The following B3GALT1 variants were observed in gnomAD, a reference collection of about 807,000 sequenced individuals.
B3GALT1 encodes the protein UDP-Gal:betaGlcNAc beta 1,3-galactosyltransferase, polypeptide 1.
B3GALT1 carries 10 observed loss-of-function variants against 23.2 expected under a neutral mutation model. That is an observed-to-expected ratio of 0.43 (90% confidence interval 0.27 to 0.73). The LOEUF (loss-of-function observed/expected upper bound fraction) is 0.73. B3GALT1 is among the 30% of genes least tolerant of loss of function. The pLI is 0.21. For missense variants in B3GALT1, 299 were observed against 405.4 expected (o/e 0.74, Z 2.25); for synonymous variants, 156 against 141.5 (o/e 1.10, Z -0.73).
Position 167,870,024 on chromosome 2 carries a change from T to G in B3GALT1, c.*4T>G, listed in dbSNP as rs746113953. Reference sequence around the variant, plus strand: ...CAAGAAACATCTCAGATGTTAGGATTTTTACCAATGTAAATATGTTTCTTT... The same window carrying G: ...CAAGAAACATCTCAGATGTTAGGATGTTTACCAATGTAAATATGTTTCTTT... On this transcript the variant is annotated 3_prime_UTR_variant, in exon 5 of 5. Transcript: ENST00000392690. The G allele has an allele frequency of 6.3e-7, 1 of 1,583,700 alleles. No homozygotes were observed. The highest frequency in any genetic ancestry group is 1.8e-5 in the Admixed American group (1 of 56,550).
intron 2 of B3GALT1, among the ~76,000 whole-genome samples, chr2:167,583,586 A>G (rs1214295674): frequency 6.6e-6 from 1 of 152,190 alleles, no homozygotes; most frequent in Non-Finnish European, 1.5e-5. Flanking sequence ...ACTAATATGC[A>G]TTTCTCCAGA....
intron 2 of B3GALT1, among the ~76,000 whole-genome samples, chr2:167,575,111 A>C (rs1398978830): frequency 6.6e-6 from 1 of 151,816 alleles, no homozygotes; most frequent in African/African-American, 2.4e-5. Context: ...GTAAAATGGG[A>C]ATGATAGGAA....
At chr2:167,376,247 T>C (rs1295380423) in intron 1 of B3GALT1, among the ~76,000 whole-genome samples, 2 of 152,136 alleles carry the variant, frequency 1.3e-5, no homozygotes, top group Non-Finnish European at 2.9e-5. Flanking sequence ...TTCAGATTGT[T>C]AGTATTTTGT....
intron 3 of B3GALT1, among the ~76,000 whole-genome samples, chr2:167,738,000 C>T (rs981949513): frequency 6.6e-6 from 1 of 152,118 alleles, no homozygotes; most frequent in Admixed American, 6.6e-5. Context: ...GATGACAAAC[C>T]CCAAGACTAT....
At chr2:167,452,990 G>A (rs1218073195) in intron 1 of B3GALT1, among the ~76,000 whole-genome samples, 1 of 152,184 alleles carries the variant, frequency 6.6e-6, no homozygotes, top group Non-Finnish European at 1.5e-5. Flanking sequence ...CTAATATGGA[G>A]CCACTTTGAA....
At position 167,636,795 on chromosome 2, in the gene B3GALT1, T is replaced by C. The variant is rs556002479; in HGVS notation, c.-409-10114T>C. Among the ~76,000 whole-genome samples, 22 of 151,992 alleles carry C rather than the reference T, an allele frequency of 1.4e-4. No homozygotes were observed. In the South Asian group the frequency reaches 4.4e-3, roughly 30 times the overall value. ...GTGGGAGTTGAACAATGAGAACACA[T>C]GGACACTGGGAGAGGAACATCACAC... On this transcript the variant is annotated intron_variant, in intron 2 of 4. Coordinates refer to ENST00000392690, the MANE Select transcript of B3GALT1 (RefSeq NM_020981.4).
At chr2:167,748,310 G>GT (rs1360705723) in intron 3 of B3GALT1, among the ~76,000 whole-genome samples, 10 of 152,036 alleles carry the variant, frequency 6.6e-5, no homozygotes, top group African/African-American at 2.4e-4. Context: ...CAAGCCATCA[G>GT]TTATCCACCG....
intron 2 of B3GALT1, among the ~76,000 whole-genome samples, chr2:167,555,472 A>T (rs1037671563): frequency 1.3e-5 from 2 of 152,190 alleles, no homozygotes; most frequent in Non-Finnish European, 2.9e-5. Flanking sequence ...TCTTACCAGC[A>T]TATAGCTCAA....
intron 2 of B3GALT1, among the ~76,000 whole-genome samples, chr2:167,508,067 C>T (rs1173837142): frequency 1.3e-5 from 2 of 151,990 alleles, no homozygotes; most frequent in Non-Finnish European, 1.5e-5. Context: ...TTTATAAGGA[C>T]ACTAGTCCCA....
intron 1 of B3GALT1, among the ~76,000 whole-genome samples, chr2:167,450,366 C>G (rs183983190): frequency 1.1e-4 from 16 of 152,086 alleles, no homozygotes; most frequent in Non-Finnish European, 2.2e-4. Context: ...TCTAGGTTTT[C>G]TAGTTTATAC....
intron 3 of B3GALT1, among the ~76,000 whole-genome samples, chr2:167,799,429 G>C (rs1302667876): frequency 6.6e-6 from 1 of 152,028 alleles, no homozygotes; most frequent in Non-Finnish European, 1.5e-5. Context: ...TTATACGTGA[G>C]AACATTGCAG....
At chr2:167,446,792 T>A (rs1699002864) in intron 1 of B3GALT1, among the ~76,000 whole-genome samples, 1 of 152,220 alleles carries the variant, frequency 6.6e-6, no homozygotes, top group African/African-American at 2.4e-5. Flanking sequence ...TTTAGCCTCT[T>A]TGCGTTGGGT....
At position 167,611,896 on chromosome 2, in the gene B3GALT1, T is replaced by A. The variant is rs61463551; in HGVS notation, c.-409-35013T>A. ...CAGACATCCAGACTCAAAAATCATT[T>A]ACAATGTGAGAAATAAAATCCATCA... On this transcript the variant is annotated intron_variant, in intron 2 of 4. Transcript: ENST00000392690. Among the ~76,000 whole-genome samples, 1,175 of 152,192 alleles carry A rather than the reference T, an allele frequency of 7.7e-3. 17 individuals are homozygous for A. The highest frequency in any genetic ancestry group is 0.025 in the African/African-American group (1,022 of 41,564).
intron 2 of B3GALT1, among the ~76,000 whole-genome samples, chr2:167,512,578 A>ATATTT (rs1553463246): frequency 1.1e-5 from 1 of 92,374 alleles, no homozygotes. Context: ...GTATATATAT[A>ATATTT]TGTATATATA....
At chr2:167,497,634 G>C (rs1699798702) in intron 2 of B3GALT1, among the ~76,000 whole-genome samples, 1 of 152,032 alleles carries the variant, frequency 6.6e-6, no homozygotes. Context: ...ACCTGAGGGA[G>C]ATTGGAGAAG....
At chr2:167,668,125 T>C (rs1321090956) in intron 3 of B3GALT1, among the ~76,000 whole-genome samples, 1 of 152,184 alleles carries the variant, frequency 6.6e-6, no homozygotes, top group African/African-American at 2.4e-5. Context: ...GATGGGTTTT[T>C]GGTGTGGATG....
intron 2 of B3GALT1, among the ~76,000 whole-genome samples, chr2:167,491,078 G>T (rs1342359258): frequency 1.3e-5 from 2 of 152,128 alleles, no homozygotes; most frequent in African/African-American, 2.4e-5. Context: ...TGCCCCCAGG[G>T]TAATGAGAAC....
At chr2:167,696,793 C>A (rs980839297) in intron 3 of B3GALT1, among the ~76,000 whole-genome samples, 2 of 152,238 alleles carry the variant, frequency 1.3e-5, no homozygotes, top group South Asian at 4.1e-4. Flanking sequence ...TTGACACTTC[C>A]AAGAAGACTC....
At chr2:167,864,287 T>C (rs942942323) in intron 4 of B3GALT1, among the ~76,000 whole-genome samples, 2 of 152,186 alleles carry the variant, frequency 1.3e-5, no homozygotes, top group Non-Finnish European at 2.9e-5. Context: ...GAGTGGTGGC[T>C]CACACCTGTA....
Sources: allele counts gnomAD v4.1 joint callset (sites outside exome capture counted in the v4.1 genomes callset), GRCh38; gene constraint gnomAD v4.1.1; transcripts MANE v1.5; gene names NCBI Gene and HGNC (gene_info 2026-07-23, HGNC 2026-07-21).